Variants in CRTC1 observed in about 807,000 individuals in gnomAD.
CRTC1 encodes the protein CREB regulated transcription coactivator 1.
A neutral mutation model predicts 66.1 loss-of-function variants in CRTC1; 18 were observed. The ratio of observed to expected loss-of-function variants is 0.27; its 90% CI spans 0.19 to 0.40. CRTC1 has a LOEUF of 0.40. Among genes scored for constraint, CRTC1 ranks in the 10% least tolerant of loss-of-function variants. CRTC1 has a pLI of 1.00. For synonymous variants in CRTC1, 416 were observed against 398.8 expected (o/e 1.04, Z -0.51); for missense variants, 669 against 887.9 (o/e 0.75, Z 3.13).
chr19:18,695,149 G>A (rs2052954263), intron 1 of CRTC1, among the ~76,000 whole-genome samples: 1 of 152,094 alleles, frequency 6.6e-6, no homozygotes, highest in Admixed American at 6.6e-5. Flanking sequence ...GGGATCACAG[G>A]CATGAGCCAA....
intron 1 of CRTC1, among the ~76,000 whole-genome samples, chr19:18,729,906 T>G (rs1350470661): frequency 6.6e-6 from 1 of 152,102 alleles, no homozygotes; most frequent in Non-Finnish European, 1.5e-5. Context: ...TGGGGTTGCC[T>G]GTGAAACCAG....
chr19:18,753,562 A>G lies in CRTC1; in HGVS notation c.601A>G (p.Lys201Glu), dbSNP rs56300365. The G allele has an allele frequency of 1.7e-5, 27 of 1,612,744 alleles. No individual in the cohort carries two copies. Among genetic ancestry groups the G allele is most frequent in the Non-Finnish European group, 2.2e-5 (26 of 1,179,290 alleles). The change falls in exon 6 of 14, where the codon AAG becomes GAG. Residue 201 changes from lysine to glutamate, a missense_variant. Lys to Glu is a moderately conservative substitution (Grantham distance 56). Coordinates refer to ENST00000321949, the MANE Select transcript of CRTC1 (RefSeq NM_015321.3). The stretch of plus-strand genomic sequence containing the variant: ...ATCAGAGGCAGACAAAAACCTTTCC[A>G]AGCAAGCATGGGACACCAAGAAGGT... ...TTSEADKNLSKQAWDTKKTGS... is the reference protein window; with the variant it reads ...TTSEADKNLSEQAWDTKKTGS...
chr19:18,763,332 C>T (rs1164077798), intron 8 of CRTC1, among the ~76,000 whole-genome samples: 1 of 152,134 alleles, frequency 6.6e-6, no homozygotes, highest in East Asian at 1.9e-4. Context: ...AACTCCTGCC[C>T]TCAGGTGATC....
chr19:18,777,107 C>T lies in CRTC1; in HGVS notation c.1694-64C>T, dbSNP rs983638791. 3.8e-5 allele frequency: 35 copies of T among 931,644 alleles called. No individual in the cohort carries two copies. The highest frequency in any genetic ancestry group is 1.1e-4 in the Admixed American group (6 of 56,282). 57.7% of individuals were successfully genotyped at this position (931,644 alleles called of 1,614,324 possible). A position where few individuals can be genotyped will look rare whatever the true frequency, so the allele number is the denominator to read the frequency against. On this transcript the variant is annotated intron_variant, in intron 13 of 13. Transcript: ENST00000321949. This position sits in a 1 kb window ranked among gnomAD's most constrained non-coding sequence, Gnocchi z 5.5. ...CGCCCGGCGGGCATGCCTGGTCCGACACATGGATGCGAGCGATGGAGCCAG... is the reference window on the plus strand; with the variant it reads ...CGCCCGGCGGGCATGCCTGGTCCGATACATGGATGCGAGCGATGGAGCCAG...
chr19:18,683,689 G>C lies in CRTC1; in HGVS notation c.-14G>C. ...GGAGGAGGAGGAGGAGGAGGAGGAGGTGGCGGCGAGAAGATGGCGACTTCG... is the reference window on the plus strand; with the variant it reads ...GGAGGAGGAGGAGGAGGAGGAGGAGCTGGCGGCGAGAAGATGGCGACTTCG... On this transcript the variant is annotated 5_prime_UTR_variant, in exon 1 of 14. Transcript: ENST00000321949. 2.9e-6 allele frequency: 4 copies of C among 1,392,794 alleles called. No individual in the cohort carries two copies. The highest frequency in any genetic ancestry group is 3.8e-6 in the Non-Finnish European group (4 of 1,048,028). 86.3% of individuals were successfully genotyped at this position (1,392,794 alleles called of 1,614,324 possible). A position where few individuals can be genotyped will look rare whatever the true frequency, so the allele number is the denominator to read the frequency against.
At chr19:18,728,908 G>A (rs1263832884) in intron 1 of CRTC1, among the ~76,000 whole-genome samples, 1 of 145,874 alleles carries the variant, frequency 6.9e-6, no homozygotes, top group African/African-American at 2.6e-5. Context: ...TACCTCCCGA[G>A]TTCAAGTGAT....
chr19:18,759,964 C>CCTGTCCCCGCCACCAGCCCA, intron 7 of CRTC1, 44 bp from the exon 8 acceptor site: 1 of 1,480,706 alleles, frequency 6.8e-7, no homozygotes, highest in Non-Finnish European at 9.2e-7. Flanking sequence ...CCGCCAGCCC[C>CCTGTCCCCGCCACCAGCCCA]GCCCCATGAG....
In CRTC1 at chr19:18,768,831, G is replaced by C; in HGVS notation, c.1320+38G>C. 1 of 1,560,874 alleles carries C rather than the reference G, an allele frequency of 6.4e-7. No individual in the cohort carries two copies. The highest frequency in any genetic ancestry group is 8.7e-7 in the Non-Finnish European group (1 of 1,154,204). ...TGGGGTCCCTCGGGGCCTGACTGGG[G>C]GTCTTGTAGAGGACAGCCCGGGGGC... On this transcript the variant is annotated intron_variant, in intron 10 of 13. Coordinates refer to ENST00000321949, the MANE Select transcript of CRTC1 (RefSeq NM_015321.3). The surrounding 1 kb of genome is among the most constrained non-coding windows in gnomAD (Gnocchi z 5.6).
At chr19:18,775,212 C>T (rs1186289736) in intron 12 of CRTC1, among the ~76,000 whole-genome samples, 2 of 152,240 alleles carry the variant, frequency 1.3e-5, no homozygotes, top group African/African-American at 4.8e-5. Context: ...TCTTTGCCCA[C>T]CTACAGAGCG....
chr19:18,753,357 G>A, intron 5 of CRTC1, 143 bp from the exon 6 acceptor site: 1 of 584,618 alleles, frequency 1.7e-6, no homozygotes, highest in Non-Finnish European at 3.1e-6. Flanking sequence ...TTTTAGTACA[G>A]TCCACAGAAG....
chr19:18,746,917 C>T lies in CRTC1; in HGVS notation c.382-136C>T, dbSNP rs1055229742. The T allele has an allele frequency of 7.1e-5, 51 of 720,752 alleles. 1 individual carries two copies. In the East Asian group the frequency reaches 7.9e-4, roughly 11 times the overall value. The allele number at this position is 720,752 out of a possible 1,614,324, so 44.6% of individuals were successfully genotyped here. On this transcript the variant is annotated intron_variant, in intron 3 of 13. Transcript: ENST00000321949. ...GGAAAGGCCGGCAGGAAACGCCCCC[C>T]GCCCTACTGGTCCCAGCTGTTTGCA... is the stretch of plus-strand genomic sequence containing the variant.
chr19:18,760,223 G>T lies in CRTC1; in HGVS notation c.881G>T (p.Gly294Val), dbSNP rs376039473. 3.1e-6 allele frequency: 5 copies of T among 1,596,478 alleles called. No homozygotes were observed. The African/African-American group carries it at 6.7e-5, about 21-fold the overall frequency. ...NLTHLGIGGA[G>V]QGMSTPGSSP... Reference sequence around the variant, plus strand: ...ACGCACCTGGGCATCGGTGGCGCCGGCCAGGGTAAGGCAGGGACACTCCGC... The same window carrying T: ...ACGCACCTGGGCATCGGTGGCGCCGTCCAGGGTAAGGCAGGGACACTCCGC... The change falls in exon 8 of 14, where the codon GGC becomes GTC. Residue 294 changes from glycine to valine, a missense_variant. By Grantham distance (109) the Gly-to-Val change is moderately radical. Around this residue, in one of 8 missense-constraint regions of CRTC1, gnomAD observed 241 missense variants for 242.2 expected, o/e 0.99. Transcript: ENST00000321949. The surrounding 1 kb of genome is among the most constrained non-coding windows in gnomAD (Gnocchi z 6.2).
At chr19:18,748,732 TACACACGCAC>T (rs1568521398) in intron 4 of CRTC1, among the ~76,000 whole-genome samples, 1 of 149,316 alleles carries the variant, frequency 6.7e-6, no homozygotes, top group African/African-American at 2.5e-5. Context: ...TATACATACA[TACACACGCAC>T]ACACACCACA....
chr19:18,779,896 G>A lies in CRTC1; in HGVS notation c.*2514G>A, dbSNP rs1381591017. The A allele has an allele frequency of 1.3e-5, 3 of 229,142 alleles. No individual in the cohort carries two copies. In the East Asian group the frequency reaches 1.9e-4, roughly 14 times the overall value. The allele number at this position is 229,142 out of a possible 1,614,324, so 14.2% of individuals were successfully genotyped here. On this transcript the variant is annotated 3_prime_UTR_variant, in exon 14 of 14. Coordinates refer to ENST00000321949, the MANE Select transcript of CRTC1 (RefSeq NM_015321.3). ...CCCGGGGCCCAGCCAGGAGCCAGCA[G>A]CCAGGCGTCCCTGTGTTCCAGAAGG...
Position 18,768,104 on chromosome 19 carries a change from G to T in CRTC1, c.1012-381G>T, listed in dbSNP as rs2054775948. Among the ~76,000 whole-genome samples, 1 of 152,238 alleles carries T rather than the reference G, an allele frequency of 6.6e-6. No homozygotes were observed. Among genetic ancestry groups the T allele is most frequent in the African/African-American group, 2.4e-5 (1 of 41,446 alleles). On this transcript the variant is annotated intron_variant, in intron 9 of 13. Transcript: ENST00000321949. This position sits in a 1 kb window ranked among gnomAD's most constrained non-coding sequence, Gnocchi z 5.6. ...GGGGGGGTTTGGGAAGGCAAGGCCA[G>T]TGGATCACTTGAGGTTTCCCCGCAG...
At chr19:18,710,939 C>G (rs754322959) in intron 1 of CRTC1, among the ~76,000 whole-genome samples, 1 of 152,154 alleles carries the variant, frequency 6.6e-6, no homozygotes, top group Non-Finnish European at 1.5e-5. Context: ...TTTAGGAAGC[C>G]CATGCCCAGG....
chr19:18,724,989 T>C (rs1481874736), intron 1 of CRTC1, among the ~76,000 whole-genome samples: 2 of 151,828 alleles, frequency 1.3e-5, no homozygotes, highest in African/African-American at 4.8e-5. Context: ...CCAGCTTCCC[T>C]CAGCACACTG....
chr19:18,747,850 G>T (rs759174690), intron 4 of CRTC1, among the ~76,000 whole-genome samples: 32 of 152,186 alleles, frequency 2.1e-4, no homozygotes, highest in Non-Finnish European at 3.8e-4. Flanking sequence ...GACCAACGCA[G>T]GCGATCAGTT....
intron 10 of CRTC1, among the ~76,000 whole-genome samples, chr19:18,769,749 G>A (rs1057276996): frequency 6.6e-6 from 1 of 152,148 alleles, no homozygotes; most frequent in African/African-American, 2.4e-5. Flanking sequence ...GTGCAGGGAC[G>A]GCCCTTCTAG....
Sources: gnomAD v4.1 joint callset for allele counts (sites outside exome capture counted in the v4.1 genomes callset) on GRCh38, gnomAD v4.1.1 for gene constraint, gnomAD v4.1.1 regional missense constraint, Gnocchi (gnomAD v3.1) non-coding constraint, MANE v1.5 for transcripts, NCBI Gene and HGNC (gene_info 2026-07-23, HGNC 2026-07-21) for gene names.